The following NACC1 variants were observed in gnomAD, a reference collection of about 807,000 sequenced individuals.
NACC1 encodes the protein nucleus accumbens associated 1.
A neutral mutation model predicts 41.7 loss-of-function variants in NACC1; 6 were observed. The observed-to-expected ratio is 0.14, with a 90% CI of 0.08 to 0.28. NACC1 has a LOEUF of 0.28. Ranked by LOEUF, NACC1 falls within the 10% of genes least tolerant of loss-of-function variation. NACC1 has a pLI of 1.00. For synonymous variants in NACC1, 338 were observed against 330.6 expected, an observed-to-expected ratio of 1.02 and a Z score of -0.24; for missense variants, 434 against 763.7, an observed-to-expected ratio of 0.57 and a Z score of 5.09.
At chr19:13,116,937 T>C (rs1599971249), upstream of NACC1, 1 of 164,724 alleles carries the variant, frequency 6.1e-6, no homozygotes, top group South Asian at 1.3e-4. Flanking sequence ...AAAGGGGCGG[T>C]AAGCGGAGAA....
chr19:13,137,483 C>T lies in NACC1; in HGVS notation c.1232C>T (p.Thr411Met), dbSNP rs1228993456. 2 of 1,605,456 alleles carry T rather than the reference C, an allele frequency of 1.2e-6. No homozygotes were observed. The highest frequency in any genetic ancestry group is 1.7e-6 in the Non-Finnish European group (2 of 1,175,916). ...RLLASFFDRN[T>M]LANSCGTGIR... ...TCCATGTCCCCTGCCCCCAGGAACA[C>T]GCTGGCCAACAGCTGCGGCACCGGC... is the stretch of plus-strand genomic sequence containing the variant. Residue 411 changes from threonine (T) to methionine (M), a missense_variant, in exon 5 of 6, where the codon ACG (threonine) becomes ATG (methionine). Transcript: ENST00000292431. This position sits in a 1 kb window ranked among gnomAD's most constrained non-coding sequence, Gnocchi z 6.1.
intron 1 of NACC1, among the ~76,000 whole-genome samples, chr19:13,129,472 G>C (rs997415021): frequency 6.6e-6 from 1 of 152,170 alleles, no homozygotes; most frequent in Admixed American, 6.5e-5. Flanking sequence ...ACAGAGGGAT[G>C]GAGGGGTTCC....
Position 13,118,268 on chromosome 19 carries a change from G to A in NACC1, c.-195G>A, listed in dbSNP as rs1374378978. ...CGCGGCTTGCGCTCGCTCGGCGCTC[G>A]GCTGGGGCGGCCTGGCCCACAATGA... On this transcript the variant is annotated 5_prime_UTR_variant, in exon 1 of 6. Transcript: ENST00000292431. 6.7e-6 allele frequency: 1 copy of A among 149,050 alleles called. No individual in the cohort carries two copies. The highest frequency in any genetic ancestry group is 1.5e-5 in the Non-Finnish European group (1 of 66,808). The allele number at this position is 149,050 out of a possible 1,614,324, so 9.2% of individuals were successfully genotyped here.
At chr19:13,118,821 G>A (rs1195185444) in intron 1 of NACC1, among the ~76,000 whole-genome samples, 8 of 141,594 alleles carry the variant, frequency 5.6e-5, no homozygotes, top group Admixed American at 5.5e-4. Flanking sequence ...AGGAGGAGTC[G>A]GGCTCCGGCC....
Position 13,138,674 on chromosome 19 carries a change from T to G in NACC1, c.*268T>G. 2.8e-5 allele frequency: 14 copies of G among 494,136 alleles called. No homozygotes were observed. The highest frequency in any genetic ancestry group is 3.7e-5 in the East Asian group (1 of 26,812). 30.6% of individuals were successfully genotyped at this position (494,136 alleles called of 1,614,324 possible). A position where few individuals can be genotyped will look rare whatever the true frequency, so the allele number is the denominator to read the frequency against. On this transcript the variant is annotated 3_prime_UTR_variant, in exon 6 of 6. Coordinates refer to ENST00000292431, the MANE Select transcript of NACC1 (RefSeq NM_052876.4). This position sits in a 1 kb window ranked among gnomAD's most constrained non-coding sequence, Gnocchi z 5.7. ...AGTTCTGGCTCCCCAACCTAACCCC[T>G]AGCCGTCATCTCCACACTCACCAGG...
In NACC1 at chr19:13,139,927, A is replaced by C. The variant is rs947721205; in HGVS notation, c.*1521A>C. 3 of 151,882 alleles carry C rather than the reference A, an allele frequency of 2.0e-5. No homozygotes were observed. The highest frequency in any genetic ancestry group is 4.4e-5 in the Non-Finnish European group (3 of 68,084). 9.4% of individuals were successfully genotyped at this position (151,882 alleles called of 1,614,324 possible). On this transcript the variant is annotated 3_prime_UTR_variant, in exon 6 of 6. Coordinates refer to ENST00000292431, the MANE Select transcript of NACC1 (RefSeq NM_052876.4). Reference sequence around the variant, plus strand: ...CTGGCCCTCGTCCTCCCTGCCTCTCATCTGCCTCCCCAACCCCCACCTACC... The same window carrying C: ...CTGGCCCTCGTCCTCCCTGCCTCTCCTCTGCCTCCCCAACCCCCACCTACC...
chr19:13,135,055 G>C, intron 1 of NACC1, 145 bp from the exon 2 acceptor site: 6 of 1,384,624 alleles, frequency 4.3e-6, no homozygotes, highest in Non-Finnish European at 5.7e-6. Flanking sequence ...GCTCTGTGTG[G>C]TTTAGCACCA....
chr19:13,135,040 A>G (rs752472774), intron 1 of NACC1, among the ~76,000 whole-genome samples, 160 bp from the exon 2 acceptor site: 7 of 152,234 alleles, frequency 4.6e-5, no homozygotes, highest in Non-Finnish European at 8.8e-5. Context: ...CAGATAGGGT[A>G]GAGGGCTCTG....
chr19:13,135,181 C>T lies in NACC1; in HGVS notation c.-8-19C>T, dbSNP rs1469844415. 4.5e-6 allele frequency: 7 copies of T among 1,547,504 alleles called. No individual in the cohort carries two copies. The Middle Eastern group carries it at 6.9e-4, about 153-fold the overall frequency. ...TCCCTCCGTCTCTGTCTCTCCATTC[C>T]TCCCTGCCCCTCGTGCAGCCGCTGC... On this transcript the variant is annotated intron_variant, in intron 1 of 5. Transcript: ENST00000292431.
chr19:13,130,062 A>G (rs2019614349), intron 1 of NACC1, among the ~76,000 whole-genome samples: 1 of 150,638 alleles, frequency 6.6e-6, no homozygotes, highest in Admixed American at 6.6e-5. Context: ...GGGTCGGGGG[A>G]TGTGGTTTTT....
At position 13,139,209 on chromosome 19, in the gene NACC1, TA is replaced by T. The variant is rs1568387391; in HGVS notation, c.*804del. ...AGTTTTGCTTTCAAACAAATGAAGATACAAGAGGCAGTAGGACCTGGGTTGG... is the reference window on the plus strand; with the variant it reads ...AGTTTTGCTTTCAAACAAATGAAGATCAAGAGGCAGTAGGACCTGGGTTGG... On this transcript the variant is annotated 3_prime_UTR_variant, in exon 6 of 6. Transcript: ENST00000292431. The T allele has an allele frequency of 6.6e-6, 1 of 151,792 alleles. No individual in the cohort carries two copies. Among genetic ancestry groups the T allele is most frequent in the Admixed American group, 6.6e-5 (1 of 15,240 alleles). The allele number at this position is 151,792 out of a possible 1,614,324, so 9.4% of individuals were successfully genotyped here. A position where few individuals can be genotyped will look rare whatever the true frequency, so the allele number is the denominator to read the frequency against.
rs557977623 is a variant in NACC1 at position 13,122,577 on chromosome 19, G to C, written c.-9+4123G>C. Reference sequence around the variant, plus strand: ...TAGTGGGTTTATAGGCCAGGGATGCGGTTCAACATCAGACAGTGTGTAGGG... The same window carrying C: ...TAGTGGGTTTATAGGCCAGGGATGCCGTTCAACATCAGACAGTGTGTAGGG... On this transcript the variant is annotated intron_variant, in intron 1 of 5. Transcript: ENST00000292431. Among the ~76,000 whole-genome samples the C allele has an allele frequency of 1.4e-4, 16 of 117,406 alleles. No individual in the cohort carries two copies. The South Asian group carries it at 3.9e-3, about 28-fold the overall frequency. The allele number at this position is 117,406 out of a possible 152,430, so 77.0% of individuals were successfully genotyped here.
upstream of NACC1, chr19:13,116,869 C>T (rs959332788): frequency 1.1e-5 from 2 of 183,390 alleles, no homozygotes; most frequent in South Asian, 1.9e-4. Context: ...ACAGTGGATC[C>T]CCTGGGAGAG....
In NACC1 at chr19:13,137,211, T is replaced by A; in HGVS notation, c.1121-60T>A. ...GGGTGTTCTGAGATGAGGCCTGGTA[T>A]CATGGGGGCTGTGGCGGTTTGGGGG... is the stretch of plus-strand genomic sequence containing the variant. On this transcript the variant is annotated intron_variant, in intron 3 of 5. Coordinates refer to ENST00000292431, the MANE Select transcript of NACC1 (RefSeq NM_052876.4). This position sits in a 1 kb window ranked among gnomAD's most constrained non-coding sequence, Gnocchi z 6.1. The A allele has an allele frequency of 6.5e-7, 1 of 1,528,182 alleles. No homozygotes were observed. The highest frequency in any genetic ancestry group is 9.1e-7 in the Non-Finnish European group (1 of 1,104,824). The allele number at this position is 1,528,182 out of a possible 1,614,324, so 94.7% of individuals were successfully genotyped here.
chr19:13,132,060 C>T (rs1044951432), intron 1 of NACC1, among the ~76,000 whole-genome samples: 8 of 151,852 alleles, frequency 5.3e-5, no homozygotes, highest in Non-Finnish European at 1.0e-4. Context: ...GGAGTTTCAC[C>T]GTGTTTGCCA....
intron 1 of NACC1, among the ~76,000 whole-genome samples, chr19:13,127,465 C>CGGA (rs1396836939): frequency 2.6e-5 from 3 of 116,444 alleles, no homozygotes; most frequent in African/African-American, 9.8e-5. Flanking sequence ...GGGAGGTGGG[C>CGGA]GGATCACTTG....
At chr19:13,131,053 C>A (rs1043244875) in intron 1 of NACC1, among the ~76,000 whole-genome samples, 79 of 152,266 alleles carry the variant, frequency 5.2e-4, no homozygotes, top group African/African-American at 1.9e-3. Context: ...GTTGCTCAAC[C>A]TTTTATGGTC....
chr19:13,134,045 G>A (rs1266185788), intron 1 of NACC1, among the ~76,000 whole-genome samples: 2 of 152,116 alleles, frequency 1.3e-5, no homozygotes, highest in African/African-American at 4.8e-5. Flanking sequence ...ATGTTTTCAT[G>A]TAAGTTATTT....
intron 1 of NACC1, among the ~76,000 whole-genome samples, chr19:13,120,536 C>G (rs571663686): frequency 6.6e-6 from 1 of 152,198 alleles, no homozygotes; most frequent in Admixed American, 6.5e-5. Flanking sequence ...TCCCAGGACA[C>G]CCTCCAACCT....
Sources: allele counts gnomAD v4.1 joint callset (sites outside exome capture counted in the v4.1 genomes callset), GRCh38; gene constraint gnomAD v4.1.1; non-coding constraint Gnocchi (gnomAD v3.1); transcripts MANE v1.5; gene names NCBI Gene and HGNC (gene_info 2026-07-23, HGNC 2026-07-21).